TBC1D1: variants seen among roughly 807,000 people sequenced by gnomAD.
TBC1D1 encodes TBC1 domain family member 1.
In TBC1D1, 89 loss-of-function variants were observed where a neutral mutation model predicts 125.6. The ratio of observed to expected loss-of-function variants is 0.71; its 90% CI spans 0.60 to 0.85. The LOEUF (loss-of-function observed/expected upper bound fraction) is 0.85, where lower values mean the gene tolerates loss of function less well. Ranked by LOEUF, TBC1D1 falls within the 40% of genes least tolerant of loss-of-function variation. The pLI, the probability that TBC1D1 is intolerant of heterozygous loss-of-function variation, is 0.00. For missense variants in TBC1D1, 1,377 were observed against 1,469.2 expected, an observed-to-expected ratio of 0.94 and a Z score of 1.03; for synonymous variants, 565 against 564.1, an observed-to-expected ratio of 1.00 and a Z score of -0.02.
chr4:38,137,220 C>T lies in TBC1D1; in HGVS notation c.3392C>T (p.Thr1131Ile), dbSNP rs1766783556. ...AGCAAGCTGAAGCAGGCCATGCTTA[C>T]CTTAGAACTGGAGCGGTCGGCCCTG... Residue 1131 changes from threonine (T) to isoleucine (I), a missense_variant, in exon 20 of 20, where the codon ACC becomes ATC. By Grantham distance (89) the Thr-to-Ile change is moderately conservative. Transcript: ENST00000261439. 1.9e-6 allele frequency: 3 copies of T among 1,612,838 alleles called. No individual in the cohort carries two copies.
intron 1 of TBC1D1, among the ~76,000 whole-genome samples, chr4:37,898,733 T>C (rs549217272): frequency 6.6e-6 from 1 of 152,280 alleles, no homozygotes; most frequent in Admixed American, 6.5e-5. Flanking sequence ...AGGAGTCTCA[T>C]GTTTTCTACC....
Position 38,054,323 on chromosome 4 carries a change from T to C in TBC1D1, c.2035T>C (p.Ser679Pro), listed in dbSNP as rs146980638. 6.2e-7 allele frequency: 1 copy of C among 1,614,030 alleles called. No homozygotes were observed. The highest frequency in any genetic ancestry group is 8.5e-7 in the Non-Finnish European group (1 of 1,180,008). The change falls in exon 12 of 20, where the codon TCC (serine) becomes CCC (proline). Residue 679 changes from serine to proline, a missense_variant. Ser to Pro is a moderately conservative substitution (Grantham distance 74). Transcript: ENST00000261439. ...CACCCCGCAGAAGGCGTGCGATTCT[T>C]CCAGCAGATATGAAGGTAAGGCCGG...
chr4:38,111,855 C>A, intron 15 of TBC1D1: 1 of 794,936 alleles, frequency 1.3e-6, no homozygotes, highest in Non-Finnish European at 1.5e-6. Flanking sequence ...CAGATGGGTG[C>A]AGTTGTCCTG....
intron 12 of TBC1D1, among the ~76,000 whole-genome samples, chr4:38,072,356 C>T (rs995078029): frequency 1.5e-4 from 23 of 152,194 alleles, no homozygotes; most frequent in African/African-American, 5.5e-4. Flanking sequence ...TCTGAGAGGC[C>T]AGAGTTTTAA....
intron 12 of TBC1D1, among the ~76,000 whole-genome samples, chr4:38,085,048 C>G (rs1757237759): frequency 6.6e-6 from 1 of 152,172 alleles, no homozygotes; most frequent in Non-Finnish European, 1.5e-5. Context: ...TTGTCTTTCT[C>G]GATCATGGCA....
chr4:38,082,114 A>C (rs1756670179), intron 12 of TBC1D1, among the ~76,000 whole-genome samples: 1 of 152,126 alleles, frequency 6.6e-6, no homozygotes. Context: ...CTGGGAAGAG[A>C]GGGGGAGTTG....
intron 2 of TBC1D1, among the ~76,000 whole-genome samples, chr4:37,955,291 T>G (rs1207319486): frequency 6.6e-6 from 1 of 152,202 alleles, no homozygotes; most frequent in Non-Finnish European, 1.5e-5. Flanking sequence ...GAGATTCCCA[T>G]GAACTGCACA....
intron 9 of TBC1D1, among the ~76,000 whole-genome samples, chr4:38,045,247 A>G (rs533528806): frequency 6.6e-6 from 1 of 152,326 alleles, no homozygotes; most frequent in African/African-American, 2.4e-5. Flanking sequence ...AGTGTGCAGT[A>G]TCTTATTATA....
At chr4:38,048,284 G>T (rs1314620402) in intron 10 of TBC1D1, among the ~76,000 whole-genome samples, 3 of 152,110 alleles carry the variant, frequency 2.0e-5, no homozygotes, top group Non-Finnish European at 4.4e-5. Context: ...TAAGCTAAGG[G>T]TTAGCTCTTT....
intron 2 of TBC1D1, among the ~76,000 whole-genome samples, chr4:37,969,177 G>A (rs769784770): frequency 2.6e-5 from 4 of 152,128 alleles, no homozygotes; most frequent in African/African-American, 9.7e-5. Context: ...CTCTGAGCTT[G>A]AGGCCTCCAG....
chr4:37,960,538 T>G, intron 2 of TBC1D1: 1 of 1,614,140 alleles, frequency 6.2e-7, no homozygotes, highest in Non-Finnish European at 8.5e-7. Flanking sequence ...ATCAAAGCAT[T>G]AGATGGGATA....
At chr4:38,134,118 T>C (rs1439068767) in intron 19 of TBC1D1, among the ~76,000 whole-genome samples, 4 of 152,238 alleles carry the variant, frequency 2.6e-5, no homozygotes, top group Non-Finnish European at 4.4e-5. Context: ...TAAAAATACA[T>C]ATTTTTGCCG....
At chr4:38,112,728 C>T (rs1272281968) in intron 15 of TBC1D1, among the ~76,000 whole-genome samples, 1 of 152,158 alleles carries the variant, frequency 6.6e-6, no homozygotes, top group East Asian at 1.9e-4. Flanking sequence ...GGATGATGTT[C>T]AAGGGCTGTG....
At chr4:38,114,041 C>T (rs1015197863) in intron 15 of TBC1D1, among the ~76,000 whole-genome samples, 1 of 136,616 alleles carries the variant, frequency 7.3e-6, no homozygotes, top group Non-Finnish European at 1.6e-5. Flanking sequence ...ACCCATTGTT[C>T]TACACACACA....
At chr4:37,940,236 C>T (rs1725266526) in intron 2 of TBC1D1, among the ~76,000 whole-genome samples, 1 of 152,170 alleles carries the variant, frequency 6.6e-6, no homozygotes, top group Non-Finnish European at 1.5e-5. Context: ...AGAGGTCCTT[C>T]ACATCCCTTG....
chr4:37,972,732 G>A (rs770447269), intron 2 of TBC1D1, among the ~76,000 whole-genome samples: 24 of 151,460 alleles, frequency 1.6e-4, no homozygotes, highest in Admixed American at 2.6e-4. Context: ...GAGAAACCCC[G>A]TCTCTACTAA....
chr4:37,948,456 G>A (rs376541595), intron 2 of TBC1D1, among the ~76,000 whole-genome samples: 1 of 152,140 alleles, frequency 6.6e-6, no homozygotes, highest in South Asian at 2.1e-4. Flanking sequence ...GTGAAACCTT[G>A]TCTCTACTGA....
chr4:38,028,338 G>C (rs1319080083), intron 7 of TBC1D1, among the ~76,000 whole-genome samples: 1 of 152,052 alleles, frequency 6.6e-6, no homozygotes, highest in Non-Finnish European at 1.5e-5. Flanking sequence ...GCTAATTTTT[G>C]TATTTTTAGT....
chr4:37,954,310 C>A (rs1349793625), intron 2 of TBC1D1, among the ~76,000 whole-genome samples: 1 of 151,656 alleles, frequency 6.6e-6, no homozygotes, highest in Non-Finnish European at 1.5e-5. Context: ...TCCTATGGTA[C>A]TGAACATGTT....
Sources: allele counts gnomAD v4.1 joint callset (sites outside exome capture counted in the v4.1 genomes callset), GRCh38; gene constraint gnomAD v4.1.1; transcripts MANE v1.5; gene names NCBI Gene and HGNC (gene_info 2026-07-23, HGNC 2026-07-21).